The following SEMA6A variants were observed in gnomAD, a reference collection of about 807,000 sequenced individuals.
SEMA6A encodes semaphorin 6A.
In SEMA6A, 25 loss-of-function variants were observed where a neutral mutation model predicts 96.8. The ratio of observed to expected loss-of-function variants is 0.26; its 90% confidence interval spans 0.19 to 0.36. The LOEUF is 0.36. Among genes scored for constraint, SEMA6A ranks in the 10% least tolerant of loss-of-function variants. SEMA6A has a pLI of 1.00. For synonymous variants in SEMA6A, 612 were observed against 518.0 expected (o/e 1.18, Z -2.46); for missense variants, 1,363 against 1,323.1 (o/e 1.03, Z -0.47).
chr5:116,458,450 A>G (rs1755155434), intron 18 of SEMA6A, among the ~76,000 whole-genome samples: 1 of 152,148 alleles, frequency 6.6e-6, no homozygotes. Flanking sequence ...GTGTCATGTC[A>G]AGTAGATGCA....
intron 1 of SEMA6A, among the ~76,000 whole-genome samples, chr5:116,527,314 A>C (rs1302861621): frequency 6.6e-6 from 1 of 152,238 alleles, no homozygotes; most frequent in Admixed American, 6.5e-5. Context: ...GGATCTTTCA[A>C]AATGTTGGAA....
chr5:116,513,399 G>T (rs1758511446), intron 1 of SEMA6A, among the ~76,000 whole-genome samples: 1 of 152,078 alleles, frequency 6.6e-6, no homozygotes, highest in African/African-American at 2.4e-5. Context: ...AGTGCTAGGA[G>T]TACAGGTGTG....
Position 116,475,553 on chromosome 5 carries a change from T to A in SEMA6A, c.1700A>T (p.Asp567Val), listed in dbSNP as rs1331034580. ...IERGNTDGLG[D>V]CHNSFVALNG... is the part of the protein sequence containing the mutation. Reference sequence around the variant, plus strand: ...TAAAAGACTGTACTTACTGTGACAGTCCCCCAGACCATCTGTATTGCCACG... The same window carrying A: ...TAAAAGACTGTACTTACTGTGACAGACCCCCAGACCATCTGTATTGCCACG... Residue 567 changes from aspartate (D) to valine (V), a missense_variant, in exon 16 of 19, where the codon GAC becomes GTC. Around this residue, in one of 2 missense-constraint regions of SEMA6A, gnomAD observed 883 missense variants for 763.6 expected, o/e 1.16. Transcript: ENST00000343348. 1 of 1,600,376 alleles carries A rather than the reference T, an allele frequency of 6.2e-7. No individual in the cohort carries two copies. Among genetic ancestry groups the A allele is most frequent in the East Asian group, 2.2e-5 (1 of 44,466 alleles).
chr5:116,480,310 G>A (rs1756685926), intron 11 of SEMA6A, 33 bp from the exon 12 acceptor site: 1 of 1,608,534 alleles, frequency 6.2e-7, no homozygotes, highest in Non-Finnish European at 8.5e-7. Context: ...GAAGGAGGGA[G>A]CTTATTTTCT....
intron 1 of SEMA6A, among the ~76,000 whole-genome samples, chr5:116,557,699 A>G (rs1039683969): frequency 3.9e-5 from 6 of 152,206 alleles, no homozygotes; most frequent in African/African-American, 1.2e-4. Context: ...GCTGTCTTCT[A>G]TGCCATCAAG....
chr5:116,525,069 C>T (rs1249843810), intron 1 of SEMA6A, among the ~76,000 whole-genome samples: 1 of 152,190 alleles, frequency 6.6e-6, no homozygotes, highest in African/African-American at 2.4e-5. Context: ...TTTATCTTCT[C>T]TGTGACTAAC....
chr5:116,465,282 A>G (rs1296768056), intron 18 of SEMA6A, among the ~76,000 whole-genome samples: 1 of 152,236 alleles, frequency 6.6e-6, no homozygotes, highest in Non-Finnish European at 1.5e-5. Context: ...TCACTAAGTC[A>G]TAACACAGTG....
chr5:116,510,993 C>T (rs1196048094), intron 1 of SEMA6A, among the ~76,000 whole-genome samples: 1 of 152,156 alleles, frequency 6.6e-6, no homozygotes, highest in Non-Finnish European at 1.5e-5. Context: ...GCCTTATTAT[C>T]TGTGTTGTAA....
chr5:116,456,580 A>G (rs1755024510), intron 18 of SEMA6A, among the ~76,000 whole-genome samples: 1 of 152,178 alleles, frequency 6.6e-6, no homozygotes. Flanking sequence ...CTTGCACCAA[A>G]ACTGCTGAAA....
chr5:116,570,274 A>C (rs996618622), intron 1 of SEMA6A, among the ~76,000 whole-genome samples: 9 of 152,224 alleles, frequency 5.9e-5, no homozygotes, highest in African/African-American at 2.2e-4. Flanking sequence ...TTTAAAGCAG[A>C]TGAGAAAAGC....
chr5:116,474,279 C>CACACAT (rs1491420052), intron 16 of SEMA6A, among the ~76,000 whole-genome samples: 1 of 35,668 alleles, frequency 2.8e-5, no homozygotes, highest in Admixed American at 3.3e-4. Flanking sequence ...TGCACGCATG[C>CACACAT]ACACACACAC....
rs1760695147 is a variant in SEMA6A, at chr5:116,558,576, CCTCAGCCTCCCGAGTAGCTGGGA to C, written c.-39+15586_-39+15608del. Among the ~76,000 whole-genome samples the C allele has an allele frequency of 3.8e-5, 2 of 52,424 alleles. 1 individual carries two copies. Among genetic ancestry groups the C allele is most frequent in the South Asian group, 1.1e-3 (2 of 1,770 alleles). 34.4% of individuals were successfully genotyped at this position (52,424 alleles called of 152,430 possible). A position where few individuals can be genotyped will look rare whatever the true frequency, so the allele number is the denominator to read the frequency against. On this transcript the variant is annotated intron_variant, in intron 1 of 18. Transcript: ENST00000343348. ...TTCCCGGGTTCACGCCATTCTCCTGCCTCAGCCTCCCGAGTAGCTGGGACTACAGGCGCCCGCCACCGCGCCCG... is the reference window on the plus strand; with the variant it reads ...TTCCCGGGTTCACGCCATTCTCCTGCCTACAGGCGCCCGCCACCGCGCCCG...
chr5:116,457,030 A>G (rs1033773324), intron 18 of SEMA6A, among the ~76,000 whole-genome samples: 4 of 152,190 alleles, frequency 2.6e-5, no homozygotes, highest in African/African-American at 9.6e-5. Context: ...CTGCTTTATA[A>G]TAATAAAAGA....
chr5:116,478,825 GA>G, intron 12 of SEMA6A, 107 bp from the exon 13 acceptor site: 1 of 1,044,714 alleles, frequency 9.6e-7, no homozygotes, highest in East Asian at 2.6e-5. Flanking sequence ...ATAACCTCAA[GA>G]AAAATATATG....
At chr5:116,496,214 C>A in intron 5 of SEMA6A, 37 bp downstream of exon 5, 1 of 1,581,096 alleles carries the variant, frequency 6.3e-7, no homozygotes, top group South Asian at 1.1e-5. Context: ...AAACTTAACC[C>A]AAAGTGGCAG....
At chr5:116,506,210 A>G (rs1040006825) in intron 1 of SEMA6A, among the ~76,000 whole-genome samples, 2 of 152,234 alleles carry the variant, frequency 1.3e-5, no homozygotes, top group Non-Finnish European at 2.9e-5. Context: ...ATGCCAAGAA[A>G]GTATTAATCA....
intron 1 of SEMA6A, among the ~76,000 whole-genome samples, chr5:116,524,299 G>A (rs1317131941): frequency 6.6e-6 from 1 of 152,088 alleles, no homozygotes; most frequent in Non-Finnish European, 1.5e-5. Context: ...TGGTAACCTG[G>A]GAAATATAAA....
At chr5:116,483,893 G>T (rs897786279) in intron 10 of SEMA6A, among the ~76,000 whole-genome samples, 1 of 151,818 alleles carries the variant, frequency 6.6e-6, no homozygotes, top group Non-Finnish European at 1.5e-5. Flanking sequence ...GTGAAACCCC[G>T]TCTCTACTAA....
chr5:116,460,235 G>T (rs1009184334), intron 18 of SEMA6A, among the ~76,000 whole-genome samples: 3 of 152,050 alleles, frequency 2.0e-5, no homozygotes, highest in African/African-American at 7.2e-5. Flanking sequence ...TTCCTTACTT[G>T]AAAGTGGCAT....
Sources: gnomAD v4.1 joint callset for allele counts (sites outside exome capture counted in the v4.1 genomes callset) on GRCh38, gnomAD v4.1.1 for gene constraint, gnomAD v4.1.1 regional missense constraint, MANE v1.5 for transcripts, NCBI Gene and HGNC (gene_info 2026-07-23, HGNC 2026-07-21) for gene names.